Variants in ATG7 observed in about 807,000 individuals in gnomAD.
ATG7 encodes the protein ubiquitin-like modifier-activating enzyme ATG7.
Under a neutral mutation model 82.4 loss-of-function variants are expected in ATG7, and 70 were observed. The observed-to-expected ratio is 0.85, with a 90% CI of 0.70 to 1.04. The LOEUF is 1.04. ATG7 is among the 50% of genes least tolerant of loss of function. The pLI is 0.00. For missense variants in ATG7, 792 were observed against 864.3 expected (o/e 0.92, Z 1.05); for synonymous variants, 287 against 313.0 (o/e 0.92, Z 0.88).
downstream of ATG7, among the ~76,000 whole-genome samples, chr3:11,560,386 G>A (rs763882981): frequency 6.6e-6 from 1 of 152,198 alleles, no homozygotes; most frequent in Non-Finnish European, 1.5e-5. Context: ...TGTGGGCTAA[G>A]TTCCAGGACA....
At chr3:11,558,114 C>G (rs1289481840), downstream of ATG7, 1 of 193,276 alleles carries the variant, frequency 5.2e-6, no homozygotes, top group African/African-American at 2.3e-5. Context: ...TATACACACG[C>G]ACACACATGG....
intron 20 of ATG7, among the ~76,000 whole-genome samples, chr3:11,455,511 A>G (rs1411833474): frequency 6.6e-6 from 1 of 152,158 alleles, no homozygotes; most frequent in African/African-American, 2.4e-5. Flanking sequence ...CTCATTTTGT[A>G]TAAAAGCCAT....
At chr3:11,273,930 GA>G (rs1941090288) in intron 1 of ATG7, among the ~76,000 whole-genome samples, 1 of 152,142 alleles carries the variant, frequency 6.6e-6, no homozygotes, top group Non-Finnish European at 1.5e-5. Flanking sequence ...CTTGAATAAA[GA>G]AAAGTCCAGT....
intron 19 of ATG7, among the ~76,000 whole-genome samples, chr3:11,397,584 G>C (rs1455637101): frequency 6.6e-6 from 1 of 151,750 alleles, no homozygotes; most frequent in East Asian, 2.0e-4. Flanking sequence ...CAGCCTCCGA[G>C]TAACTGGGAC....
chr3:11,302,728 T>C (rs540792513), intron 5 of ATG7, among the ~76,000 whole-genome samples: 103 of 152,254 alleles, frequency 6.8e-4, no homozygotes, highest in African/African-American at 2.5e-3. Flanking sequence ...TGACATACAG[T>C]TGAATAGCTA....
chr3:11,476,287 G>T (rs897432712), intron 20 of ATG7, among the ~76,000 whole-genome samples: 5 of 152,130 alleles, frequency 3.3e-5, no homozygotes, highest in Admixed American at 6.5e-5. Flanking sequence ...GCAAAATCTG[G>T]CTACATATCA....
chr3:11,447,354 C>CT (rs1307682541), intron 20 of ATG7, among the ~76,000 whole-genome samples: 1 of 151,852 alleles, frequency 6.6e-6, no homozygotes, highest in Non-Finnish European at 1.5e-5. Context: ...GTAATCCCAA[C>CT]TACTCAGGAG....
rs1046571895 is a variant in ATG7 at position 11,325,956 on chromosome 3, T to C, written c.679-5384T>C. Reference sequence around the variant, plus strand: ...AATACCCTTTAGATACTCTGTAAGATTGAGCTTTGATATAGTCTGTGTTGT... The same window carrying C: ...AATACCCTTTAGATACTCTGTAAGACTGAGCTTTGATATAGTCTGTGTTGT... On this transcript the variant is annotated intron_variant, in intron 9 of 20. Coordinates refer to ENST00000693202, the MANE Select transcript of ATG7 (RefSeq NM_001349232.2). Among the ~76,000 whole-genome samples, 15 of 152,320 alleles carry C rather than the reference T, an allele frequency of 9.8e-5. No individual in the cohort carries two copies. In the East Asian group the frequency reaches 2.1e-3, roughly 22 times the overall value.
At chr3:11,532,254 AAACT>A (rs2092707294) in intron 20 of ATG7, among the ~76,000 whole-genome samples, 1 of 152,206 alleles carries the variant, frequency 6.6e-6, no homozygotes, top group Non-Finnish European at 1.5e-5. Flanking sequence ...TGCAGACACA[AAACT>A]AATGCATACT....
At chr3:11,403,238 A>C (rs1467052866) in intron 19 of ATG7, among the ~76,000 whole-genome samples, 1 of 152,200 alleles carries the variant, frequency 6.6e-6, no homozygotes, top group African/African-American at 2.4e-5. Context: ...CAATCTGAGG[A>C]AGTCTTGACA....
In ATG7 at chr3:11,295,828, C is replaced by T. The variant is rs527679846; in HGVS notation, c.-10-2858C>T. Among the ~76,000 whole-genome samples the T allele has an allele frequency of 8.1e-4, 122 of 150,430 alleles. 1 individual carries two copies. The highest frequency in any genetic ancestry group is 2.7e-3 in the African/African-American group (110 of 40,742). On this transcript the variant is annotated intron_variant, in intron 3 of 20. Transcript: ENST00000693202. The stretch of plus-strand genomic sequence containing the variant: ...TGAGATGGAGTTTCGCTCTTGTTGC[C>T]CAGGCTGGAGTGCAATGGCACAATC...
chr3:11,290,995 T>G (rs911275167), intron 3 of ATG7, among the ~76,000 whole-genome samples: 4 of 152,200 alleles, frequency 2.6e-5, no homozygotes, highest in Non-Finnish European at 5.9e-5. Context: ...TCTGTTATCT[T>G]TTAAGTAGTC....
chr3:11,464,484 A>G (rs1488605652), intron 20 of ATG7, among the ~76,000 whole-genome samples: 1 of 152,066 alleles, frequency 6.6e-6, no homozygotes, highest in East Asian at 1.9e-4. Context: ...GTACGGGGGG[A>G]GGCTGAACAT....
At chr3:11,481,834 G>A (rs766117758) in intron 20 of ATG7, among the ~76,000 whole-genome samples, 120 of 152,284 alleles carry the variant, frequency 7.9e-4, no homozygotes, top group Non-Finnish European at 1.4e-3. Flanking sequence ...TTTGTGGACC[G>A]CAGTTTATTT....
At chr3:11,464,094 AGGCATAGT>A (rs2086600577) in intron 20 of ATG7, among the ~76,000 whole-genome samples, 2 of 152,232 alleles carry the variant, frequency 1.3e-5, no homozygotes, top group South Asian at 2.1e-4. Context: ...AAAATTGGCC[AGGCATAGT>A]GGCTCATGCC....
At chr3:11,317,482 T>C (rs1247480098) in intron 9 of ATG7, among the ~76,000 whole-genome samples, 1 of 152,208 alleles carries the variant, frequency 6.6e-6, no homozygotes, top group African/African-American at 2.4e-5. Flanking sequence ...AAGCGTTAGT[T>C]ACTACCTGTG....
chr3:11,574,345 GC>G, the ATG7 span, among the ~76,000 whole-genome samples: 1 of 152,270 alleles, frequency 6.6e-6, no homozygotes, highest in East Asian at 1.9e-4. Flanking sequence ...GATCCACTGG[GC>G]CTCGGTCACC....
At chr3:11,302,475 AAAG>A (rs1946939219) in intron 5 of ATG7, among the ~76,000 whole-genome samples, 1 of 152,238 alleles carries the variant, frequency 6.6e-6, no homozygotes, top group African/African-American at 2.4e-5. Context: ...TTTATTTATC[AAAG>A]AAGGAATATC....
chr3:11,423,237 T>G (rs1046633816), intron 19 of ATG7, among the ~76,000 whole-genome samples: 2 of 152,140 alleles, frequency 1.3e-5, no homozygotes, highest in Non-Finnish European at 2.9e-5. Flanking sequence ...CATACTACAT[T>G]TATCTATTAA....
Sources: allele counts gnomAD v4.1 joint callset (sites outside exome capture counted in the v4.1 genomes callset), GRCh38; gene constraint gnomAD v4.1.1; transcripts MANE v1.5; gene names NCBI Gene and HGNC (gene_info 2026-07-23, HGNC 2026-07-21).